The following KCTD10 variants were observed in gnomAD, a reference collection of about 807,000 sequenced individuals.
KCTD10 encodes the protein potassium channel tetramerization domain containing 10, also known as BTB/POZ domain-containing adapter for CUL3-mediated RhoA degradation protein 3.
KCTD10 carries 13 observed loss-of-function variants against 34.6 expected under a neutral mutation model. The ratio of observed to expected loss-of-function variants is 0.38; its 90% CI spans 0.24 to 0.60. KCTD10 has a LOEUF of 0.60. Among genes scored for constraint, KCTD10 ranks in the 20% least tolerant of loss-of-function variants. The pLI, the probability that KCTD10 is intolerant of heterozygous loss-of-function variation, is 0.66. For missense variants in KCTD10, 256 were observed against 420.3 expected (o/e 0.61, Z 3.42); for synonymous variants, 156 against 168.8 (o/e 0.92, Z 0.59).
intron 2 of KCTD10, among the ~76,000 whole-genome samples, chr12:109,467,425 G>A (rs1351628097): frequency 1.3e-5 from 2 of 152,110 alleles, no homozygotes; most frequent in Non-Finnish European, 2.9e-5. Flanking sequence ...TTCGAGGCCA[G>A]CCTGGGCAAC....
At chr12:109,464,980 A>G in intron 2 of KCTD10, 1 of 376,626 alleles carries the variant, frequency 2.7e-6, no homozygotes, top group Non-Finnish European at 5.3e-6. Flanking sequence ...TCTTAAAGCC[A>G]TAGCCCTTGA....
At chr12:109,457,791 C>T (rs1592837568) in intron 4 of KCTD10, 109 bp from the exon 5 acceptor site, 1 of 1,230,244 alleles carries the variant, frequency 8.1e-7, no homozygotes, top group East Asian at 2.3e-5. Flanking sequence ...AAGAGGCAGA[C>T]AAGCATAGCT....
At chr12:109,476,020 A>C (rs1281362556) in intron 1 of KCTD10, among the ~76,000 whole-genome samples, 1 of 152,234 alleles carries the variant, frequency 6.6e-6, no homozygotes, top group Admixed American at 6.5e-5. Context: ...CACACCTATA[A>C]GAGCCCTCTG....
At chr12:109,467,616 T>G (rs184945034) in intron 2 of KCTD10, among the ~76,000 whole-genome samples, 1 of 152,160 alleles carries the variant, frequency 6.6e-6, no homozygotes, top group Non-Finnish European at 1.5e-5. Context: ...AGAAAGACCC[T>G]GTCTCAAAAA....
In KCTD10 at chr12:109,448,725, T is replaced by G. The variant is rs1872604605; in HGVS notation, c.*2870A>C. 6.6e-6 allele frequency: 1 copy of G among 152,382 alleles called. No homozygotes were observed. The highest frequency in any genetic ancestry group is 2.4e-5 in the African/African-American group (1 of 41,590). The allele number at this position is 152,382 out of a possible 1,614,324, so 9.4% of individuals were successfully genotyped here. A position where few individuals can be genotyped will look rare whatever the true frequency, so the allele number is the denominator to read the frequency against. On this transcript the variant is annotated 3_prime_UTR_variant, in exon 7 of 7. Transcript: ENST00000228495. ...CATACAGTGGCTACATCTAAAACTT[T>G]GAGCATTTTTTTATGGCGCAAAGAG... is the stretch of plus-strand genomic sequence containing the variant.
chr12:109,471,787 C>T (rs1347821196), intron 1 of KCTD10, among the ~76,000 whole-genome samples: 2 of 152,188 alleles, frequency 1.3e-5, no homozygotes, highest in African/African-American at 2.4e-5. Flanking sequence ...ACTTTTTAAG[C>T]ACCCCTTTCA....
rs1872659730 is a variant in KCTD10, at chr12:109,449,616, C to T, written c.*1979G>A. 2 of 152,166 alleles carry T rather than the reference C, an allele frequency of 1.3e-5. No homozygotes were observed. The allele number at this position is 152,166 out of a possible 1,614,324, so 9.4% of individuals were successfully genotyped here. A position where few individuals can be genotyped will look rare whatever the true frequency, so the allele number is the denominator to read the frequency against. On this transcript the variant is annotated 3_prime_UTR_variant, in exon 7 of 7. Coordinates refer to ENST00000228495, the MANE Select transcript of KCTD10 (RefSeq NM_031954.5). ...TGATGGGTACCTGCAATCCCAGCTA[C>T]TCGGGAGGCTGAGGCAGCAGAATCG...
chr12:109,471,474 T>C, intron 1 of KCTD10: 4 of 960,490 alleles, frequency 4.2e-6, no homozygotes, highest in Non-Finnish European at 5.0e-6. Flanking sequence ...AGAAAATATG[T>C]TTTCAAAAGC....
Position 109,451,246 on chromosome 12 carries a change from A to C in KCTD10, c.*349T>G. ...TGTCACCCAAAAAGCCCACATAGGA[A>C]GTCGACACCCACAAAAATAAATATT... On this transcript the variant is annotated 3_prime_UTR_variant, in exon 7 of 7. Transcript: ENST00000228495. This position sits in a 1 kb window ranked among gnomAD's most constrained non-coding sequence, Gnocchi z 5.0. 4.9e-6 allele frequency: 1 copy of C among 203,092 alleles called. No homozygotes were observed. Among genetic ancestry groups the C allele is most frequent in the Non-Finnish European group, 9.8e-6 (1 of 102,066 alleles). The allele number at this position is 203,092 out of a possible 1,614,324, so 12.6% of individuals were successfully genotyped here.
chr12:109,469,651 C>G lies in KCTD10; in HGVS notation c.81G>C (p.Thr27=). The G allele has an allele frequency of 6.2e-7, 1 of 1,614,200 alleles. No individual in the cohort carries two copies. The highest frequency in any genetic ancestry group is 8.5e-7 in the Non-Finnish European group (1 of 1,180,040). ...AATRTTSFKG[T]SPSSKYVKLN... ...GCTTCACGTATTTGGAGCTGGGGCTCGTGCCCTTGAAGGAAGTGGTGCGGG... is the reference window on the plus strand; with the variant it reads ...GCTTCACGTATTTGGAGCTGGGGCTGGTGCCCTTGAAGGAAGTGGTGCGGG... Residue 27 remains threonine, a synonymous_variant, in exon 2 of 7, where the codon ACG becomes ACC. Coordinates refer to ENST00000228495, the MANE Select transcript of KCTD10 (RefSeq NM_031954.5).
intron 1 of KCTD10, among the ~76,000 whole-genome samples, chr12:109,476,280 A>C (rs1214548750): frequency 1.3e-5 from 2 of 152,210 alleles, no homozygotes; most frequent in Non-Finnish European, 2.9e-5. Context: ...TATTTTGCAC[A>C]AAATGGAGCG....
At chr12:109,459,046 A>C (rs957619322) in intron 3 of KCTD10, 1 of 152,380 alleles carries the variant, frequency 6.6e-6, no homozygotes, top group Non-Finnish European at 1.5e-5. Flanking sequence ...ACAGGAAAAG[A>C]GGAGGAGTCA....
rs573201906 is a variant in KCTD10 at position 109,477,148 on chromosome 12, T to G, written c.3+112A>C. The G allele has an allele frequency of 5.5e-4, 576 of 1,046,186 alleles. 13 individuals are homozygous for G. The Admixed American group carries it at 0.015, about 27-fold the overall frequency. 64.8% of individuals were successfully genotyped at this position (1,046,186 alleles called of 1,614,324 possible). On this transcript the variant is annotated intron_variant, in intron 1 of 6. Transcript: ENST00000228495. ...CAATCCCCCAAATGCCTCTCCACTATCGTGACTGCCCCTCATCACACCCCC... is the reference window on the plus strand; with the variant it reads ...CAATCCCCCAAATGCCTCTCCACTAGCGTGACTGCCCCTCATCACACCCCC...
At chr12:109,471,081 T>G in intron 1 of KCTD10, 1 of 984,302 alleles carries the variant, frequency 1.0e-6, no homozygotes, top group Non-Finnish European at 1.2e-6. Flanking sequence ...TCGTGCTTTT[T>G]GGCTGCAGGG....
At chr12:109,473,499 A>C (rs1021991135) in intron 1 of KCTD10, among the ~76,000 whole-genome samples, 1 of 152,132 alleles carries the variant, frequency 6.6e-6, no homozygotes, top group Non-Finnish European at 1.5e-5. Flanking sequence ...TTCCAGCTCT[A>C]ATGGCAGACG....
At chr12:109,463,396 G>C (rs184450612) in intron 2 of KCTD10, among the ~76,000 whole-genome samples, 2 of 152,202 alleles carry the variant, frequency 1.3e-5, no homozygotes, top group Admixed American at 6.5e-5. Context: ...TTCAATCAGC[G>C]TTTTGACTTT....
chr12:109,466,835 G>A (rs1873617204), intron 2 of KCTD10, among the ~76,000 whole-genome samples: 1 of 152,260 alleles, frequency 6.6e-6, no homozygotes. Context: ...CCTATTTGTA[G>A]CAAACTTCAT....
At position 109,451,581 on chromosome 12, in the gene KCTD10, G is replaced by A. The variant is rs369203016; in HGVS notation, c.*14C>T. On this transcript the variant is annotated 3_prime_UTR_variant, in exon 7 of 7. Transcript: ENST00000228495. The surrounding 1 kb of genome is among the most constrained non-coding windows in gnomAD (Gnocchi z 5.0). Reference sequence around the variant, plus strand: ...GGGGGCGGTGAGAGGAGGGCGGCTCGGTCTCTTGCCTGCTCACTGGTGGAG... The same window carrying A: ...GGGGGCGGTGAGAGGAGGGCGGCTCAGTCTCTTGCCTGCTCACTGGTGGAG... 37 of 1,592,952 alleles carry A rather than the reference G, an allele frequency of 2.3e-5. No individual in the cohort carries two copies. The highest frequency in any genetic ancestry group is 6.7e-5 in the Admixed American group (4 of 59,304).
rs1228946105 is a variant in KCTD10, at chr12:109,452,854, T to TTTTTTTTTTTTTAA, written c.724-1042_724-1041insTTAAAAAAAAAAAA. Among the ~76,000 whole-genome samples, 321 of 151,236 alleles carry TTTTTTTTTTTTTAA rather than the reference T, an allele frequency of 2.1e-3. 3 individuals are homozygous for TTTTTTTTTTTTTAA. Among genetic ancestry groups the TTTTTTTTTTTTTAA allele is most frequent in the African/African-American group, 7.5e-3 (308 of 40,856 alleles). On this transcript the variant is annotated intron_variant, in intron 6 of 6. Transcript: ENST00000228495. ...ATCCTGGTTTTCTTTCCTTTTTTTT[T>TTTTTTTTTTTTTAA]AAAAGATATGGGATCTGGCTAATTA...
Sources: gnomAD v4.1 joint callset for allele counts (sites outside exome capture counted in the v4.1 genomes callset) on GRCh38, gnomAD v4.1.1 for gene constraint, Gnocchi (gnomAD v3.1) non-coding constraint, MANE v1.5 for transcripts, NCBI Gene and HGNC (gene_info 2026-07-23, HGNC 2026-07-21) for gene names.